NTNG1: variants seen among roughly 807,000 people sequenced by gnomAD.
The protein encoded by NTNG1 is netrin G1.
Under a neutral mutation model 54.0 loss-of-function variants are expected in NTNG1, and 16 were observed. The observed-to-expected ratio is 0.30, with a 90% confidence interval of 0.20 to 0.45. NTNG1 has a LOEUF of 0.45. Ranked by LOEUF, NTNG1 falls within the 20% of genes least tolerant of loss-of-function variation. NTNG1 has a pLI of 1.00. For missense variants in NTNG1, 530 were observed against 678.7 expected, an observed-to-expected ratio of 0.78 and a Z score of 2.43; for synonymous variants, 255 against 263.1, an observed-to-expected ratio of 0.97 and a Z score of 0.30.
At chr1:107,438,568 A>G (rs1054525542) in intron 7 of NTNG1, among the ~76,000 whole-genome samples, 3 of 152,046 alleles carry the variant, frequency 2.0e-5, no homozygotes, top group Non-Finnish European at 2.9e-5. Flanking sequence ...CAAAACCAGC[A>G]CCAAGACTCA....
At chr1:107,141,522 C>T (rs943753722) in intron 1 of NTNG1, 3 of 151,950 alleles carry the variant, frequency 2.0e-5, no homozygotes, top group African/African-American at 7.3e-5. Flanking sequence ...CCCCTCTCCC[C>T]CGGGTTTCCC....
At chr1:107,303,981 G>A (rs983080599) in intron 2 of NTNG1, among the ~76,000 whole-genome samples, 18 of 151,200 alleles carry the variant, frequency 1.2e-4, no homozygotes, top group Admixed American at 7.9e-4. Context: ...CACCGCGCCC[G>A]CCTCTAATGA....
intron 7 of NTNG1, chr1:107,460,507 T>G (rs533161296): frequency 4.2e-6 from 2 of 476,940 alleles, no homozygotes; most frequent in South Asian, 3.1e-5. Context: ...CTATGGCCCA[T>G]GGTTTAATAT....
rs897240493 is a variant in NTNG1, at chr1:107,403,959, C to T, written c.1061-3723C>T. ...CTTATCTAGTATCTTTCCTTCCTTC[C>T]GTTCTTTTTAATTTACCTGTCATCT... On this transcript the variant is annotated intron_variant, in intron 4 of 7. Transcript: ENST00000370068. Among the ~76,000 whole-genome samples, 13 of 151,754 alleles carry T rather than the reference C, an allele frequency of 8.6e-5. No homozygotes were observed. The South Asian group carries it at 2.7e-3, about 32-fold the overall frequency.
At chr1:107,270,309 A>T (rs1345222305) in intron 2 of NTNG1, among the ~76,000 whole-genome samples, 1 of 152,198 alleles carries the variant, frequency 6.6e-6, no homozygotes, top group East Asian at 1.9e-4. Flanking sequence ...ATCTCATTGT[A>T]GACTGCCATG....
intron 6 of NTNG1, among the ~76,000 whole-genome samples, chr1:107,434,791 A>G (rs184352791): frequency 6.6e-6 from 1 of 152,294 alleles, no homozygotes. Flanking sequence ...TTCATGGAAT[A>G]AAATATGATC....
chr1:107,480,239 T>A (rs1678600843), intron 7 of NTNG1, among the ~76,000 whole-genome samples: 1 of 152,098 alleles, frequency 6.6e-6, no homozygotes, highest in Admixed American at 6.5e-5. Context: ...AGATCTGCAC[T>A]CTTGCATCGG....
intron 2 of NTNG1, among the ~76,000 whole-genome samples, chr1:107,179,660 G>C (rs916487205): frequency 1.3e-5 from 2 of 152,114 alleles, no homozygotes; most frequent in South Asian, 4.1e-4. Flanking sequence ...TTGTGTCATA[G>C]GGGTTTGTTG....
chr1:107,413,599 T>C (rs1485004495), intron 5 of NTNG1, among the ~76,000 whole-genome samples: 2 of 152,142 alleles, frequency 1.3e-5, no homozygotes, highest in African/African-American at 4.8e-5. Context: ...TAAGGTTCAC[T>C]AACATCCTCA....
chr1:107,437,684 GATAA>G (rs966676008), intron 7 of NTNG1, among the ~76,000 whole-genome samples: 20 of 152,120 alleles, frequency 1.3e-4, no homozygotes, highest in East Asian at 9.7e-4. Context: ...AAAGAAATAA[GATAA>G]ATTAATTTTA....
chr1:107,348,644 A>G (rs1041204182), intron 3 of NTNG1, among the ~76,000 whole-genome samples: 7 of 152,124 alleles, frequency 4.6e-5, no homozygotes, highest in Admixed American at 4.6e-4. Context: ...GGTAATGAAC[A>G]TTTTAGTAAA....
chr1:107,207,692 A>G (rs937304834), intron 2 of NTNG1, among the ~76,000 whole-genome samples: 1 of 152,180 alleles, frequency 6.6e-6, no homozygotes, highest in African/African-American at 2.4e-5. Flanking sequence ...GAGGTGACAT[A>G]TGTATCTCAA....
At position 107,396,294 on chromosome 1, in the gene NTNG1, G is replaced by C. The variant is rs11802703; in HGVS notation, c.1060+968G>C. On this transcript the variant is annotated intron_variant, in intron 4 of 7. Transcript: ENST00000370068. ...AGGCACTTCAAAGCAGCAGCTGTGA[G>C]AAACCAAACCTAAGAACTAGTATCA... Among the ~76,000 whole-genome samples, 1,418 of 152,230 alleles carry C rather than the reference G, an allele frequency of 9.3e-3. 22 individuals carry two copies. The highest frequency in any genetic ancestry group is 0.031 in the African/African-American group (1,308 of 41,548).
At chr1:107,200,167 G>T (rs1416197130) in intron 2 of NTNG1, among the ~76,000 whole-genome samples, 1 of 151,646 alleles carries the variant, frequency 6.6e-6, no homozygotes, top group East Asian at 1.9e-4. Flanking sequence ...GATACATTAG[G>T]GTGGGCTCTG....
chr1:107,365,421 C>A (rs1557936234), intron 3 of NTNG1, among the ~76,000 whole-genome samples: 1 of 151,810 alleles, frequency 6.6e-6, no homozygotes, highest in Non-Finnish European at 1.5e-5. Context: ...ACTCCAGGGC[C>A]CATAAGAAAC....
At chr1:107,428,775 C>T (rs1045767984) in intron 5 of NTNG1, among the ~76,000 whole-genome samples, 7 of 152,082 alleles carry the variant, frequency 4.6e-5, no homozygotes, top group African/African-American at 1.7e-4. Flanking sequence ...TTTCTGACTC[C>T]CTCAGAAGTC....
chr1:107,474,923 A>G (rs893507992), intron 7 of NTNG1, among the ~76,000 whole-genome samples: 6 of 152,206 alleles, frequency 3.9e-5, no homozygotes, highest in Non-Finnish European at 5.9e-5. Context: ...CGTTCTGTAC[A>G]TAGCAGTCTC....
intron 2 of NTNG1, among the ~76,000 whole-genome samples, chr1:107,170,152 G>A (rs1484083127): frequency 1.3e-5 from 2 of 152,048 alleles, no homozygotes; most frequent in Non-Finnish European, 2.9e-5. Flanking sequence ...TAGCCTAGAC[G>A]AGTTGATGCA....
At chr1:107,249,812 C>A (rs1222249974) in intron 2 of NTNG1, among the ~76,000 whole-genome samples, 1 of 152,090 alleles carries the variant, frequency 6.6e-6, no homozygotes, top group Admixed American at 6.5e-5. Flanking sequence ...GGGACTAACA[C>A]TTTATGAGAT....
Sources: gnomAD v4.1 joint callset for allele counts (sites outside exome capture counted in the v4.1 genomes callset) on GRCh38, gnomAD v4.1.1 for gene constraint, MANE v1.5 for transcripts, NCBI Gene and HGNC (gene_info 2026-07-23, HGNC 2026-07-21) for gene names.